Variants in AKT3 observed in about 807,000 individuals in gnomAD.
AKT3 encodes the protein RAC-gamma serine/threonine-protein kinase.
A neutral mutation model predicts 65.3 loss-of-function variants in AKT3; 15 were observed. That is an observed-to-expected ratio of 0.23 (90% CI 0.15 to 0.35). AKT3 has a LOEUF of 0.35. AKT3 is among the 10% of genes least tolerant of loss of function. AKT3 has a pLI of 1.00. For missense variants in AKT3, 243 were observed against 576.5 expected (o/e 0.42, Z 5.92); for synonymous variants, 206 against 183.8 (o/e 1.12, Z -0.98).
intron 2 of AKT3, among the ~76,000 whole-genome samples, chr1:243,822,156 A>G (rs945723609): frequency 2.6e-5 from 4 of 152,234 alleles, no homozygotes; most frequent in African/African-American, 9.6e-5. Flanking sequence ...TGGAAATTGA[A>G]TAACTTGCTC....
intron 4 of AKT3, among the ~76,000 whole-genome samples, chr1:243,663,947 C>T (rs901813856): frequency 1.6e-4 from 24 of 152,240 alleles, no homozygotes; most frequent in African/African-American, 5.1e-4. Context: ...TTGGTTACTA[C>T]AGTGTTGTCA....
chr1:243,600,842 A>G lies in AKT3; in HGVS notation c.696+12829T>C, dbSNP rs148026609. ...AAACAAAATGTACAAATCATAAGAGAAAATAATCAATGAATTGTGTTTCCT... is the reference window on the plus strand; with the variant it reads ...AAACAAAATGTACAAATCATAAGAGGAAATAATCAATGAATTGTGTTTCCT... On this transcript the variant is annotated intron_variant, in intron 8 of 13. Coordinates refer to ENST00000673466, the MANE Select transcript of AKT3 (RefSeq NM_005465.7). Among the ~76,000 whole-genome samples the G allele has an allele frequency of 2.8e-3, 430 of 152,296 alleles. 2 individuals are homozygous for G. Among genetic ancestry groups the G allele is most frequent in the Middle Eastern group, 0.01 (3 of 294 alleles).
chr1:243,753,963 T>C (rs1432491069), intron 2 of AKT3, among the ~76,000 whole-genome samples: 3 of 152,200 alleles, frequency 2.0e-5, no homozygotes, highest in Admixed American at 2.0e-4. Context: ...TGTCTTGAAT[T>C]ATTCTCTGTG....
chr1:243,610,806 C>T (rs1009529288), intron 8 of AKT3, among the ~76,000 whole-genome samples: 1 of 152,158 alleles, frequency 6.6e-6, no homozygotes, highest in Non-Finnish European at 1.5e-5. Flanking sequence ...TTTATTTTAA[C>T]ACAACAGAAG....
At chr1:243,602,060 C>A (rs974390908) in intron 8 of AKT3, among the ~76,000 whole-genome samples, 2 of 152,188 alleles carry the variant, frequency 1.3e-5, no homozygotes, top group African/African-American at 4.8e-5. Context: ...CAGGCCCCTG[C>A]AGTTCCAGCC....
intron 8 of AKT3, among the ~76,000 whole-genome samples, chr1:243,595,513 C>T (rs1046983036): frequency 5.3e-5 from 8 of 152,112 alleles, no homozygotes; most frequent in East Asian, 3.8e-4. Context: ...TTTTTAAAAA[C>T]GCCTTGACTC....
chr1:243,702,877 T>C (rs1479313742), intron 2 of AKT3: 2 of 152,156 alleles, frequency 1.3e-5, no homozygotes, highest in African/African-American at 2.4e-5. Context: ...TTTTTATAAA[T>C]GATACACACA....
intron 2 of AKT3, among the ~76,000 whole-genome samples, chr1:243,745,427 T>C (rs1180422910): frequency 6.6e-6 from 1 of 152,232 alleles, no homozygotes; most frequent in Non-Finnish European, 1.5e-5. Context: ...GATCAGAGCA[T>C]ACTAAAAACA....
At chr1:243,510,879 G>C (rs1220545434) in intron 13 of AKT3, among the ~76,000 whole-genome samples, 1 of 152,248 alleles carries the variant, frequency 6.6e-6, no homozygotes, top group Non-Finnish European at 1.5e-5. Context: ...TGTATGGCAG[G>C]AACTGCCCAT....
chr1:243,711,008 T>A (rs1686113939), intron 2 of AKT3, among the ~76,000 whole-genome samples: 1 of 152,160 alleles, frequency 6.6e-6, no homozygotes, highest in Non-Finnish European at 1.5e-5. Context: ...GTATGAAAAA[T>A]AATTTTGTAG....
downstream of AKT3, among the ~76,000 whole-genome samples, chr1:243,498,134 G>A (rs940284838): frequency 6.6e-6 from 1 of 152,216 alleles, no homozygotes; most frequent in Non-Finnish European, 1.5e-5. Flanking sequence ...GGGGTGGAGG[G>A]CCATTCAAAC....
intron 8 of AKT3, among the ~76,000 whole-genome samples, chr1:243,605,020 T>C (rs1268572266): frequency 1.3e-5 from 2 of 152,120 alleles, no homozygotes; most frequent in Non-Finnish European, 2.9e-5. Flanking sequence ...AATAATATAG[T>C]CTTTTTTCTT....
chr1:243,531,615 T>C (rs1377131585), intron 12 of AKT3, among the ~76,000 whole-genome samples: 1 of 152,220 alleles, frequency 6.6e-6, no homozygotes, highest in East Asian at 1.9e-4. Flanking sequence ...TTTATCAATA[T>C]TGATACTTAT....
At chr1:243,746,942 A>AT (rs1688505445) in intron 2 of AKT3, among the ~76,000 whole-genome samples, 1 of 152,182 alleles carries the variant, frequency 6.6e-6, no homozygotes, top group Non-Finnish European at 1.5e-5. Context: ...GCAAGCTGCC[A>AT]TGCTGAGTTT....
At chr1:243,655,113 T>C (rs765509151) in intron 4 of AKT3, among the ~76,000 whole-genome samples, 1 of 152,152 alleles carries the variant, frequency 6.6e-6, no homozygotes, top group Non-Finnish European at 1.5e-5. Flanking sequence ...TTCTTAATTA[T>C]TTTTATTTTC....
In AKT3 at chr1:243,524,399, G is replaced by A. The variant is rs77366246; in HGVS notation, c.1252-11973C>T. Reference sequence around the variant, plus strand: ...CTGACTCCTGAACCATGCATGCACAGGGAAGCCTCCAAGCTCCCTAGTGAA... The same window carrying A: ...CTGACTCCTGAACCATGCATGCACAAGGAAGCCTCCAAGCTCCCTAGTGAA... On this transcript the variant is annotated intron_variant, in intron 12 of 13. Coordinates refer to ENST00000673466, the MANE Select transcript of AKT3 (RefSeq NM_005465.7). Among the ~76,000 whole-genome samples, 718 of 152,280 alleles carry A rather than the reference G, an allele frequency of 4.7e-3. 8 individuals carry two copies. Among genetic ancestry groups the A allele is most frequent in the African/African-American group, 0.016 (683 of 41,552 alleles).
intron 2 of AKT3, among the ~76,000 whole-genome samples, chr1:243,762,624 A>G (rs1186276540): frequency 6.6e-6 from 1 of 152,116 alleles, no homozygotes; most frequent in Non-Finnish European, 1.5e-5. Flanking sequence ...TAAAATAAAC[A>G]GGATATGTGA....
At chr1:243,834,319 C>T (rs570456880) in intron 2 of AKT3, among the ~76,000 whole-genome samples, 1 of 152,194 alleles carries the variant, frequency 6.6e-6, no homozygotes, top group East Asian at 1.9e-4. Flanking sequence ...GAATATTATG[C>T]AGCCATAAAA....
At chr1:243,622,906 G>T (rs528472432) in intron 6 of AKT3, among the ~76,000 whole-genome samples, 4 of 152,190 alleles carry the variant, frequency 2.6e-5, no homozygotes, top group Admixed American at 6.5e-5. Context: ...AAAAAGAGAT[G>T]CCAGTAATCA....
Sources: gnomAD v4.1 joint callset for allele counts (sites outside exome capture counted in the v4.1 genomes callset) on GRCh38, gnomAD v4.1.1 for gene constraint, MANE v1.5 for transcripts, NCBI Gene and HGNC (gene_info 2026-07-23, HGNC 2026-07-21) for gene names.